ZSCAN5A: variants seen among roughly 807,000 people sequenced by gnomAD.
ZSCAN5A encodes zinc finger and SCAN domain-containing protein 5A.
In ZSCAN5A, 12 loss-of-function variants were observed where a neutral mutation model predicts 23.7. That is an observed-to-expected ratio of 0.51 (90% CI 0.32 to 0.82). The LOEUF (loss-of-function observed/expected upper bound fraction) is 0.82. Among genes scored for constraint, ZSCAN5A ranks in the 40% least tolerant of loss-of-function variants. ZSCAN5A has a pLI of 0.03. For synonymous variants in ZSCAN5A, 257 were observed against 239.9 expected (o/e 1.07, Z -0.66); for missense variants, 597 against 617.9 (o/e 0.97, Z 0.36).
At chr19:56,292,583 C>T (rs531610668) in intron 2 of ZSCAN5A, among the ~76,000 whole-genome samples, 1 of 152,004 alleles carries the variant, frequency 6.6e-6, no homozygotes, top group South Asian at 2.1e-4. Flanking sequence ...CCACTGCACC[C>T]ACCTTAACCA....
chr19:56,310,718 A>G (rs1280599463), intron 2 of ZSCAN5A, among the ~76,000 whole-genome samples: 2 of 152,182 alleles, frequency 1.3e-5, no homozygotes, highest in Non-Finnish European at 2.9e-5. Context: ...TTGTGAGGAT[A>G]TGGCTGTTCC....
rs941689409 is a variant in ZSCAN5A, at chr19:56,305,861, T to C, written c.-128+7422A>G. ...GCCTGTAGAATGAGGGGTTGTCAGA[T>C]ACACAGAAAACAAGTGAAAGAGCCT... On this transcript the variant is annotated intron_variant, in intron 2 of 5. Transcript: ENST00000683990. Among the ~76,000 whole-genome samples, 5 of 151,778 alleles carry C rather than the reference T, an allele frequency of 3.3e-5. No individual in the cohort carries two copies. In the East Asian group the frequency reaches 9.7e-4, roughly 30 times the overall value.
At chr19:56,349,704 CAAAAAAAAAAAAA>C (rs3059533) in intron 2 of ZSCAN5A, among the ~76,000 whole-genome samples, 9 of 30,940 alleles carry the variant, frequency 2.9e-4, no homozygotes, top group East Asian at 2.3e-3. Context: ...AACTCCGTCT[CAAAAAAAAAAAAA>C]AAAAAAAAAA....
At chr19:56,240,408 G>C (rs1261478066) in intron 2 of ZSCAN5A, among the ~76,000 whole-genome samples, 1 of 152,134 alleles carries the variant, frequency 6.6e-6, no homozygotes, top group Non-Finnish European at 1.5e-5. Context: ...CCAATCATGG[G>C]GCAGTGCAGG....
At chr19:56,229,504 A>C (rs2034272205) in intron 2 of ZSCAN5A, among the ~76,000 whole-genome samples, 1 of 152,210 alleles carries the variant, frequency 6.6e-6, no homozygotes, top group Non-Finnish European at 1.5e-5. Flanking sequence ...ACTCTAACTC[A>C]ACTCTAACAA....
chr19:56,247,470 C>T (rs1342876605), intron 2 of ZSCAN5A: 4 of 163,964 alleles, frequency 2.4e-5, no homozygotes, highest in African/African-American at 9.6e-5. Context: ...ATCAAGAAAC[C>T]ACTGCACCCA....
At chr19:56,264,313 A>T (rs996634697) in intron 2 of ZSCAN5A, among the ~76,000 whole-genome samples, 1 of 152,112 alleles carries the variant, frequency 6.6e-6, no homozygotes, top group African/African-American at 2.4e-5. Context: ...CTTTTTGGAC[A>T]CTATCTCAGG....
At chr19:56,292,406 G>A (rs1961112303) in intron 2 of ZSCAN5A, among the ~76,000 whole-genome samples, 1 of 151,476 alleles carries the variant, frequency 6.6e-6, no homozygotes, top group African/African-American at 2.4e-5. Flanking sequence ...GGGACTACAG[G>A]TGTGCATCAT....
At chr19:56,298,122 T>C (rs1168565970) in intron 2 of ZSCAN5A, 4 of 149,412 alleles carry the variant, frequency 2.7e-5, no homozygotes, top group African/African-American at 9.8e-5. Flanking sequence ...TTGAAAAGCG[T>C]AATACAAATT....
chr19:56,245,363 G>T (rs1212445120), intron 2 of ZSCAN5A: 1 of 752,554 alleles, frequency 1.3e-6, no homozygotes, highest in Middle Eastern at 2.3e-4. Context: ...GCGTCCGGGG[G>T]AAGGCCAGGC....
At chr19:56,333,858 T>A (rs76591291) in intron 2 of ZSCAN5A, among the ~76,000 whole-genome samples, 5,724 of 150,364 alleles carry the variant, frequency 0.038, 303 homozygotes, top group African/African-American at 0.12. Flanking sequence ...AAAAGAAAAA[T>A]ATATATATAT....
chr19:56,250,727 C>T (rs911162988), intron 2 of ZSCAN5A, among the ~76,000 whole-genome samples: 1 of 152,174 alleles, frequency 6.6e-6, no homozygotes, highest in African/African-American at 2.4e-5. Flanking sequence ...CCGCTCCTAC[C>T]CAACGGCTTT....
intron 2 of ZSCAN5A, among the ~76,000 whole-genome samples, chr19:56,248,181 G>T (rs1454981333): frequency 2.0e-5 from 3 of 152,046 alleles, no homozygotes; most frequent in Non-Finnish European, 4.4e-5. Context: ...GTATCAGCTT[G>T]TTCTAAATTA....
At chr19:56,361,084 A>T (rs1193498901) in intron 2 of ZSCAN5A, among the ~76,000 whole-genome samples, 1 of 152,220 alleles carries the variant, frequency 6.6e-6, no homozygotes, top group African/African-American at 2.4e-5. Flanking sequence ...GTGAAAAAAA[A>T]GCTGAATATC....
Position 56,221,310 on chromosome 19 carries a change from T to C in ZSCAN5A, c.*265A>G. The C allele has an allele frequency of 2.8e-6, 1 of 361,394 alleles. No homozygotes were observed. The highest frequency in any genetic ancestry group is 4.4e-5 in the East Asian group (1 of 22,758). The allele number at this position is 361,394 out of a possible 1,614,324, so 22.4% of individuals were successfully genotyped here. A position where few individuals can be genotyped will look rare whatever the true frequency, so the allele number is the denominator to read the frequency against. On this transcript the variant is annotated 3_prime_UTR_variant, in exon 6 of 6. Transcript: ENST00000683990. ...AAACTCAGTTTTCCGTTATACAATA[T>C]TGAAAACTAATAAGATGATCGTTTA...
intron 2 of ZSCAN5A, among the ~76,000 whole-genome samples, chr19:56,353,697 G>T (rs898836861): frequency 6.6e-6 from 1 of 152,118 alleles, no homozygotes; most frequent in African/African-American, 2.4e-5. Context: ...CAGGAGAATG[G>T]CATGAACCCG....
intron 2 of ZSCAN5A, among the ~76,000 whole-genome samples, chr19:56,339,264 A>G (rs113340446): frequency 0.028 from 4,163 of 150,424 alleles, 132 homozygotes; most frequent in African/African-American, 0.072. Flanking sequence ...GCAAAGGAGC[A>G]GCTGTAGCCA....
chr19:56,243,416 G>A (rs1488504377), intron 2 of ZSCAN5A, among the ~76,000 whole-genome samples: 1 of 100,290 alleles, frequency 1.0e-5, no homozygotes, highest in Non-Finnish European at 2.5e-5. Context: ...CTGTGTAGGA[G>A]TTGAATTCTC....
intron 2 of ZSCAN5A, among the ~76,000 whole-genome samples, chr19:56,252,590 T>C (rs1430432540): frequency 1.3e-5 from 2 of 152,312 alleles, no homozygotes; most frequent in Non-Finnish European, 2.9e-5. Flanking sequence ...AACTCCCCAC[T>C]GGCACTAGAA....
Sources: gnomAD v4.1 joint callset for allele counts (sites outside exome capture counted in the v4.1 genomes callset) on GRCh38, gnomAD v4.1.1 for gene constraint, MANE v1.5 for transcripts, NCBI Gene and HGNC (gene_info 2026-07-23, HGNC 2026-07-21) for gene names.